Variants in FKBP5 observed in about 807,000 individuals in gnomAD.
FKBP5 encodes FKBP prolyl isomerase 5.
FKBP5 carries 23 observed loss-of-function variants against 50.5 expected under a neutral mutation model. That is an observed-to-expected ratio of 0.46 (90% CI 0.33 to 0.65). The LOEUF (loss-of-function observed/expected upper bound fraction) is 0.65, where lower values mean the gene tolerates loss of function less well. FKBP5 is among the 30% of genes least tolerant of loss of function. The pLI, the probability that FKBP5 is intolerant of heterozygous loss-of-function variation, is 0.02. For missense variants in FKBP5, 411 were observed against 553.1 expected (o/e 0.74, Z 2.58); for synonymous variants, 176 against 190.6 (o/e 0.92, Z 0.63).
chr6:35,579,431 G>A (rs1477246042), intron 9 of FKBP5, among the ~76,000 whole-genome samples: 2 of 151,884 alleles, frequency 1.3e-5, no homozygotes, highest in Non-Finnish European at 2.9e-5. Context: ...AAATAGTATC[G>A]GCTGGTGTAT....
chr6:35,650,079 C>T (rs921753442), intron 1 of FKBP5, among the ~76,000 whole-genome samples: 2 of 152,058 alleles, frequency 1.3e-5, no homozygotes, highest in Non-Finnish European at 2.9e-5. Context: ...TAAAAGAATG[C>T]CAGGCGCAGT....
chr6:35,632,325 C>T (rs1367501246), intron 3 of FKBP5, among the ~76,000 whole-genome samples: 4 of 152,026 alleles, frequency 2.6e-5, no homozygotes, highest in East Asian at 3.9e-4. Context: ...AAGGTTTGTA[C>T]GCATGCATAG....
chr6:35,709,079 T>C (rs1194760664), intron 2 of FKBP5, among the ~76,000 whole-genome samples: 2 of 152,200 alleles, frequency 1.3e-5, no homozygotes, highest in African/African-American at 4.8e-5. Context: ...TACCTGAGAC[T>C]GGGCAAGTTA....
intron 8 of FKBP5, chr6:35,585,470 A>T (rs1762570161): frequency 1.0e-6 from 1 of 985,148 alleles, no homozygotes; most frequent in Admixed American, 6.2e-5. Context: ...CTTGGGGAAC[A>T]TCTAACTCCC....
At chr6:35,580,825 G>T (rs1762405977) in intron 8 of FKBP5, 7 of 983,228 alleles carry the variant, frequency 7.1e-6, no homozygotes, top group Non-Finnish European at 8.5e-6. Flanking sequence ...ACAGGCATGA[G>T]CCACCACACC....
Position 35,721,518 on chromosome 6 carries a change from T to G in FKBP5, c.-240-970A>C, listed in dbSNP as rs1232261458. On this transcript the variant is annotated intron_variant, in intron 1 of 11. Transcript: ENST00000536438. Reference sequence around the variant, plus strand: ...TTGCCCAGGCTGGAGTGCAATGGCATGCTTTCGGCTCACCACAACCTCCGC... The same window carrying G: ...TTGCCCAGGCTGGAGTGCAATGGCAGGCTTTCGGCTCACCACAACCTCCGC... Among the ~76,000 whole-genome samples, 4 of 152,028 alleles carry G rather than the reference T, an allele frequency of 2.6e-5. No individual in the cohort carries two copies. The East Asian group carries it at 7.7e-4, about 29-fold the overall frequency.
At chr6:35,584,050 T>G (rs1334303086) in intron 8 of FKBP5, 2 of 985,336 alleles carry the variant, frequency 2.0e-6, no homozygotes, top group African/African-American at 1.7e-5. Flanking sequence ...CTTGCCACTC[T>G]GCTGCCAAGT....
At chr6:35,628,607 A>G (rs566038440) in intron 3 of FKBP5, among the ~76,000 whole-genome samples, 79 of 152,246 alleles carry the variant, frequency 5.2e-4, no homozygotes, top group Non-Finnish European at 1.0e-3. Flanking sequence ...TTTTTATGTT[A>G]AAAATAAGAA....
At chr6:35,705,654 G>C (rs1766294792) in intron 2 of FKBP5, among the ~76,000 whole-genome samples, 1 of 152,110 alleles carries the variant, frequency 6.6e-6, no homozygotes, top group Non-Finnish European at 1.5e-5. Context: ...AGAGCAGTGA[G>C]GAAACATTTA....
intron 1 of FKBP5, among the ~76,000 whole-genome samples, chr6:35,682,858 A>T (rs1765706492): frequency 6.6e-6 from 1 of 151,044 alleles, no homozygotes; most frequent in Non-Finnish European, 1.5e-5. Flanking sequence ...GGCTGCAGTT[A>T]GCCACCACAC....
At chr6:35,587,335 A>G (rs370553802) in intron 7 of FKBP5, among the ~76,000 whole-genome samples, 45 of 152,320 alleles carry the variant, frequency 3.0e-4, no homozygotes, top group Non-Finnish European at 5.1e-4. Flanking sequence ...AGCTTGAACA[A>G]TGTTGCTCAA....
chr6:35,701,285 C>G (rs1253137399), intron 2 of FKBP5, among the ~76,000 whole-genome samples: 1 of 148,828 alleles, frequency 6.7e-6, no homozygotes, highest in Non-Finnish European at 1.5e-5. Context: ...GCTCTGTCGC[C>G]CAGGCTGGAG....
At chr6:35,632,825 G>T (rs1361480054) in intron 3 of FKBP5, among the ~76,000 whole-genome samples, 1 of 151,512 alleles carries the variant, frequency 6.6e-6, no homozygotes, top group Non-Finnish European at 1.5e-5. Flanking sequence ...GGAGGTGGAG[G>T]TCACAGTGAG....
intron 5 of FKBP5, among the ~76,000 whole-genome samples, chr6:35,606,225 C>T (rs1458282614): frequency 6.6e-6 from 1 of 152,086 alleles, no homozygotes; most frequent in Non-Finnish European, 1.5e-5. Context: ...AAGCAAATAG[C>T]CCCATTAAAA....
upstream of FKBP5, among the ~76,000 whole-genome samples, chr6:35,690,584 C>T (rs1765967248): frequency 6.6e-6 from 1 of 152,178 alleles, no homozygotes; most frequent in South Asian, 2.1e-4. Context: ...CTAGAAGCTT[C>T]CCTGTTTACC....
chr6:35,602,998 C>A (rs896137889), intron 5 of FKBP5, among the ~76,000 whole-genome samples: 11 of 152,196 alleles, frequency 7.2e-5, no homozygotes, highest in Admixed American at 5.2e-4. Flanking sequence ...TCCCATTCTG[C>A]CACTTCAATT....
intron 1 of FKBP5, among the ~76,000 whole-genome samples, chr6:35,672,207 T>C (rs1207248598): frequency 1.3e-5 from 2 of 151,952 alleles, no homozygotes; most frequent in Non-Finnish European, 2.9e-5. Flanking sequence ...AAGATAAAAT[T>C]TGTTATAAAG....
chr6:35,688,334 C>T (rs908546434), intron 1 of FKBP5, among the ~76,000 whole-genome samples: 1 of 152,112 alleles, frequency 6.6e-6, no homozygotes, highest in Non-Finnish European at 1.5e-5. Context: ...GACCCGAAAG[C>T]GAAGTTTGGC....
intron 2 of FKBP5, among the ~76,000 whole-genome samples, chr6:35,639,425 A>T (rs1468497690): frequency 6.6e-6 from 1 of 152,172 alleles, no homozygotes; most frequent in African/African-American, 2.4e-5. Context: ...TTTCTTAATA[A>T]GCCTAAAAAT....
Sources: allele counts gnomAD v4.1 joint callset (sites outside exome capture counted in the v4.1 genomes callset), GRCh38; gene constraint gnomAD v4.1.1; transcripts MANE v1.5; gene names NCBI Gene and HGNC (gene_info 2026-07-23, HGNC 2026-07-21).